The following MYO9A variants were observed in gnomAD, a reference collection of about 807,000 sequenced individuals.
MYO9A encodes myosin IXA.
In MYO9A, 103 loss-of-function variants were observed where a neutral mutation model predicts 293.3. The ratio of observed to expected loss-of-function variants is 0.35; its 90% CI spans 0.30 to 0.41. The LOEUF (loss-of-function observed/expected upper bound fraction) is 0.41. Among genes scored for constraint, MYO9A ranks in the 10% least tolerant of loss-of-function variants. The pLI is 1.00. For missense variants in MYO9A, 2,685 were observed against 3,033.0 expected, an observed-to-expected ratio of 0.89 and a Z score of 2.69; for synonymous variants, 1,001 against 1,035.7, an observed-to-expected ratio of 0.97 and a Z score of 0.64.
intron 2 of MYO9A, 45 bp downstream of exon 2, chr15:72,045,679 T>C: frequency 6.6e-7 from 1 of 1,518,258 alleles, no homozygotes; most frequent in Non-Finnish European, 8.8e-7. Context: ...CCTCAAAGGA[T>C]AAAAATCAAA....
chr15:72,039,754 G>A (rs953583843), intron 2 of MYO9A, among the ~76,000 whole-genome samples: 9 of 152,114 alleles, frequency 5.9e-5, no homozygotes, highest in Admixed American at 2.0e-4. Context: ...GCTTGATCCC[G>A]GCAAGTGGAG....
At chr15:71,858,883 A>G (rs903001058) in intron 34 of MYO9A, among the ~76,000 whole-genome samples, 3 of 151,802 alleles carry the variant, frequency 2.0e-5, no homozygotes, top group East Asian at 1.9e-4. Flanking sequence ...AATTCCCACT[A>G]GAAGAAAAAC....
Position 71,905,065 on chromosome 15 carries a change from T to C in MYO9A, c.2686-59A>G, listed in dbSNP as rs2057591068. ...TCCATTCCAAACTATTAACAAATAA[T>C]TTATAACTATAATCAACATGCTGGC... On this transcript the variant is annotated intron_variant, in intron 19 of 41. Coordinates refer to ENST00000356056, the MANE Select transcript of MYO9A (RefSeq NM_006901.4). 14 of 1,413,170 alleles carry C rather than the reference T, an allele frequency of 9.9e-6. 1 individual carries two copies. In the South Asian group the frequency reaches 1.9e-4, roughly 19 times the overall value. 87.5% of individuals were successfully genotyped at this position (1,413,170 alleles called of 1,614,324 possible). A position where few individuals can be genotyped will look rare whatever the true frequency, so the allele number is the denominator to read the frequency against.
At chr15:71,916,635 A>G (rs2058020303) in intron 18 of MYO9A, 143 bp from the exon 19 acceptor site, 1 of 763,514 alleles carries the variant, frequency 1.3e-6, no homozygotes, top group African/African-American at 1.8e-5. Flanking sequence ...CTGATATCCA[A>G]CATTCATTCT....
At chr15:72,094,892 C>T (rs1446815100) in intron 1 of MYO9A, among the ~76,000 whole-genome samples, 1 of 91,466 alleles carries the variant, frequency 1.1e-5, no homozygotes, top group East Asian at 2.3e-4. Flanking sequence ...TGTTCTGAGG[C>T]ACCAAAAATC....
At chr15:72,050,424 T>C (rs1319885819) in intron 1 of MYO9A, among the ~76,000 whole-genome samples, 1 of 152,024 alleles carries the variant, frequency 6.6e-6, no homozygotes, top group Non-Finnish European at 1.5e-5. Flanking sequence ...CTGGCTAACA[T>C]GGTGAAACCC....
chr15:71,849,958 A>ATTTTATGAACCCATTCACTT, intron 38 of MYO9A, 78 bp downstream of exon 38: 1 of 1,533,172 alleles, frequency 6.5e-7, no homozygotes, highest in Non-Finnish European at 9.0e-7. Flanking sequence ...CCCATTCACT[A>ATTTTATGAACCCATTCACTT]TGTTTGATAT....
At chr15:72,035,350 G>A (rs1417277297) in intron 2 of MYO9A, among the ~76,000 whole-genome samples, 2 of 148,078 alleles carry the variant, frequency 1.4e-5, no homozygotes, top group Admixed American at 6.9e-5. Flanking sequence ...CTTTTTGACA[G>A]TCAAAGCTTG....
At chr15:72,108,585 C>A (rs193006384) in intron 1 of MYO9A, among the ~76,000 whole-genome samples, 2 of 152,004 alleles carry the variant, frequency 1.3e-5, no homozygotes, top group East Asian at 3.9e-4. Flanking sequence ...AAAGTGAGTT[C>A]TCTTTTGAAA....
chr15:72,059,807 T>G (rs979826912), intron 1 of MYO9A, among the ~76,000 whole-genome samples: 1 of 152,206 alleles, frequency 6.6e-6, no homozygotes, highest in Admixed American at 6.5e-5. Flanking sequence ...GGAGAAACAT[T>G]TGCCTGCCTT....
intron 15 of MYO9A, among the ~76,000 whole-genome samples, chr15:71,941,638 T>G (rs886092939): frequency 6.6e-6 from 1 of 152,082 alleles, no homozygotes; most frequent in Non-Finnish European, 1.5e-5. Flanking sequence ...TTTTCTAAAT[T>G]TGATGAAAAA....
At chr15:71,937,551 A>T (rs557581327) in intron 16 of MYO9A, among the ~76,000 whole-genome samples, 1 of 152,244 alleles carries the variant, frequency 6.6e-6, no homozygotes, top group African/African-American at 2.4e-5. Context: ...ATACTATTGC[A>T]CAATTGACAG....
rs371507119 is a variant in MYO9A at position 71,880,512 on chromosome 15, G to A, written c.5445C>T (p.Pro1815=). ...HPTPPLSPEL[P]GSCRKEFKEN... ...CTTTGAATTCCTTCCGGCAACTGCC[G>A]GGCAGTTCTGGGCTCAAAGGAGGTG... Residue 1815 remains proline (P), a synonymous_variant, in exon 29 of 42, where the codon CCC becomes CCT. Coordinates refer to ENST00000356056, the MANE Select transcript of MYO9A (RefSeq NM_006901.4). 1.0e-4 allele frequency: 169 copies of A among 1,614,030 alleles called. No individual in the cohort carries two copies. The Middle Eastern group carries it at 1.3e-3, about 13-fold the overall frequency.
chr15:71,956,412 G>A (rs979492764), intron 14 of MYO9A, among the ~76,000 whole-genome samples: 2 of 146,356 alleles, frequency 1.4e-5, no homozygotes, highest in African/African-American at 5.1e-5. Context: ...GCCGAGGCAG[G>A]TGGGTCACCT....
At chr15:71,941,904 C>T (rs2058786086) in intron 15 of MYO9A, among the ~76,000 whole-genome samples, 1 of 151,998 alleles carries the variant, frequency 6.6e-6, no homozygotes, top group Non-Finnish European at 1.5e-5. Flanking sequence ...AAACATATGC[C>T]TACTTCATGA....
At chr15:71,884,442 T>G (rs528525217) in intron 27 of MYO9A, among the ~76,000 whole-genome samples, 15 of 152,206 alleles carry the variant, frequency 9.9e-5, no homozygotes, top group Non-Finnish European at 2.2e-4. Context: ...TTTGCTTTTT[T>G]CTTTTTTCTT....
At chr15:71,925,662 C>T (rs1277035754) in intron 18 of MYO9A, among the ~76,000 whole-genome samples, 1 of 152,078 alleles carries the variant, frequency 6.6e-6, no homozygotes, top group Non-Finnish European at 1.5e-5. Context: ...ATACGCTAGA[C>T]TTTTATCCCC....
At chr15:71,827,807 CTT>C in intron 41 of MYO9A, 75 bp downstream of exon 41, 1 of 1,462,874 alleles carries the variant, frequency 6.8e-7, no homozygotes, top group East Asian at 2.3e-5. Context: ...TCTTAAAAGA[CTT>C]TGTCTTAGTT....
At chr15:72,036,250 T>C (rs1355691034) in intron 2 of MYO9A, among the ~76,000 whole-genome samples, 1 of 152,138 alleles carries the variant, frequency 6.6e-6, no homozygotes, top group Non-Finnish European at 1.5e-5. Context: ...TAAAATATTT[T>C]TTAGTACTTA....
Sources: allele counts gnomAD v4.1 joint callset (sites outside exome capture counted in the v4.1 genomes callset), GRCh38; gene constraint gnomAD v4.1.1; transcripts MANE v1.5; gene names NCBI Gene and HGNC (gene_info 2026-07-23, HGNC 2026-07-21).